Variants in SLX4IP observed in about 807,000 individuals in gnomAD.
SLX4IP encodes SLX4 interacting protein.
In SLX4IP, 34 loss-of-function variants were observed where a neutral mutation model predicts 32.9. The observed-to-expected ratio is 1.03, with a 90% CI of 0.79 to 1.38. The LOEUF (loss-of-function observed/expected upper bound fraction) is 1.38, where lower values mean the gene tolerates loss of function less well. Ranked by LOEUF, SLX4IP falls within the 40% of genes most tolerant of loss-of-function variation. The pLI is 0.00. For missense variants in SLX4IP, 444 were observed against 479.0 expected (o/e 0.93, Z 0.68); for synonymous variants, 172 against 171.7 (o/e 1.00, Z -0.01).
At chr20:10,578,646 A>G (rs1204122183) in intron 4 of SLX4IP, among the ~76,000 whole-genome samples, 1 of 152,184 alleles carries the variant, frequency 6.6e-6, no homozygotes, top group African/African-American at 2.4e-5. Flanking sequence ...TAACATATTG[A>G]CGAACTTCCA....
intron 4 of SLX4IP, among the ~76,000 whole-genome samples, chr20:10,566,880 A>C (rs866067815): frequency 6.6e-6 from 1 of 152,224 alleles, no homozygotes; most frequent in Admixed American, 6.5e-5. Flanking sequence ...CATGGCAGAC[A>C]TACAGGGCAC....
intron 4 of SLX4IP, among the ~76,000 whole-genome samples, chr20:10,593,437 T>A (rs1264468802): frequency 6.6e-6 from 1 of 151,468 alleles, no homozygotes; most frequent in African/African-American, 2.4e-5. Context: ...GCAACTGAGG[T>A]TAAAAAAAAA....
At chr20:10,506,984 G>T (rs996934158) in intron 2 of SLX4IP, among the ~76,000 whole-genome samples, 1 of 152,182 alleles carries the variant, frequency 6.6e-6, no homozygotes, top group African/African-American at 2.4e-5. Context: ...CTGCAATCTG[G>T]CTAATTAACA....
chr20:10,518,094 A>G (rs190349244), intron 2 of SLX4IP, among the ~76,000 whole-genome samples: 1 of 152,258 alleles, frequency 6.6e-6, no homozygotes, highest in Non-Finnish European at 1.5e-5. Flanking sequence ...GGGTTGATCT[A>G]TGCAGCAAAC....
At position 10,540,144 on chromosome 20, in the gene SLX4IP, T is replaced by C. The variant is rs13038179; in HGVS notation, c.28-16087T>C. ...CCTTCCTTCCTTCCTTCCTTCCTTC[T>C]TTCCTTCCTTCCTTCTCTCCTTCCT... On this transcript the variant is annotated intron_variant, in intron 2 of 7. Transcript: ENST00000334534. Among the ~76,000 whole-genome samples the C allele has an allele frequency of 6.3e-3, 504 of 80,218 alleles. 2 individuals are homozygous for C. Among genetic ancestry groups the C allele is most frequent in the Middle Eastern group, 0.033 (5 of 152 alleles). The allele number at this position is 80,218 out of a possible 152,430, so 52.6% of individuals were successfully genotyped here. A position where few individuals can be genotyped will look rare whatever the true frequency, so the allele number is the denominator to read the frequency against.
intron 2 of SLX4IP, among the ~76,000 whole-genome samples, chr20:10,479,117 GA>G (rs1404256759): frequency 2.0e-5 from 3 of 152,192 alleles, no homozygotes; most frequent in African/African-American, 7.2e-5. Flanking sequence ...AAGTGGTTAG[GA>G]CGGTGGACTC....
chr20:10,559,459 G>A (rs1487804979), intron 3 of SLX4IP, among the ~76,000 whole-genome samples: 2 of 152,190 alleles, frequency 1.3e-5, no homozygotes, highest in African/African-American at 4.8e-5. Flanking sequence ...GACATTGCAA[G>A]AAACCAGCAA....
intron 2 of SLX4IP, among the ~76,000 whole-genome samples, chr20:10,489,906 A>T (rs2122394761): frequency 6.6e-6 from 1 of 152,358 alleles, no homozygotes; most frequent in Non-Finnish European, 1.5e-5. Context: ...GTGTTTTAAC[A>T]CATGCAAATG....
chr20:10,532,748 A>G (rs1307193784), intron 2 of SLX4IP, among the ~76,000 whole-genome samples: 2 of 147,692 alleles, frequency 1.4e-5, no homozygotes, highest in African/African-American at 4.9e-5. Flanking sequence ...AAAGCTGAAG[A>G]AAAAAATGGA....
chr20:10,463,381 C>T (rs769152964), intron 2 of SLX4IP, among the ~76,000 whole-genome samples: 5 of 152,046 alleles, frequency 3.3e-5, no homozygotes, highest in Non-Finnish European at 2.9e-5. Flanking sequence ...AGAGCTTCAG[C>T]GGAGAGCCTC....
At chr20:10,464,938 A>T (rs1401120451) in intron 2 of SLX4IP, among the ~76,000 whole-genome samples, 3 of 152,112 alleles carry the variant, frequency 2.0e-5, no homozygotes. Flanking sequence ...TACAGGCGGC[A>T]CTGCCACCGC....
chr20:10,540,583 A>G (rs2066095929), intron 2 of SLX4IP, among the ~76,000 whole-genome samples: 1 of 152,158 alleles, frequency 6.6e-6, no homozygotes, highest in South Asian at 2.1e-4. Context: ...CCAAGCTTTC[A>G]ACCTCACTCT....
intron 6 of SLX4IP, among the ~76,000 whole-genome samples, chr20:10,604,277 A>G (rs986873602): frequency 1.3e-5 from 2 of 152,238 alleles, no homozygotes; most frequent in Non-Finnish European, 2.9e-5. Flanking sequence ...TTGTATAACT[A>G]TTGACTTAAC....
Position 10,598,688 on chromosome 20 carries a change from A to G in SLX4IP, c.252A>G (p.Gln84=). The G allele has an allele frequency of 1.2e-6, 2 of 1,614,158 alleles. No individual in the cohort carries two copies. The highest frequency in any genetic ancestry group is 1.7e-6 in the Non-Finnish European group (2 of 1,179,986). Residue 84 remains glutamine, a synonymous_variant, in exon 5 of 8, where the codon CAA becomes CAG. Coordinates refer to ENST00000334534, the MANE Select transcript of SLX4IP (RefSeq NM_001009608.3). ...NPLSLKGYGF[Q]ITAYFLKRGI... ...TTCACTTTCCAGGTTATGGCTTTCA[A>G]ATCACAGCCTATTTCCTCAAGAGAG...
At chr20:10,438,818 TG>T (rs1447550964) in intron 1 of SLX4IP, among the ~76,000 whole-genome samples, 1 of 151,992 alleles carries the variant, frequency 6.6e-6, no homozygotes, top group Non-Finnish European at 1.5e-5. Flanking sequence ...ATGTGCTTTT[TG>T]GGGGGTACGG....
intron 4 of SLX4IP, among the ~76,000 whole-genome samples, chr20:10,571,485 C>G (rs1262326963): frequency 6.6e-6 from 1 of 152,166 alleles, no homozygotes; most frequent in East Asian, 1.9e-4. Flanking sequence ...GCTTCTGCTC[C>G]CCTGTGTGTG....
At chr20:10,589,976 A>C (rs1404732945) in intron 4 of SLX4IP, among the ~76,000 whole-genome samples, 2 of 151,986 alleles carry the variant, frequency 1.3e-5, no homozygotes. Context: ...CTATTCTTTT[A>C]GATTAAATTT....
intron 2 of SLX4IP, among the ~76,000 whole-genome samples, chr20:10,485,119 A>G (rs1568703375): frequency 1.3e-5 from 2 of 152,048 alleles, no homozygotes; most frequent in Non-Finnish European, 1.5e-5. Flanking sequence ...TTTAGGCATT[A>G]GGGAATCAAT....
In SLX4IP at chr20:10,535,257, A is replaced by G. The variant is rs578186497; in HGVS notation, c.28-20974A>G. On this transcript the variant is annotated intron_variant, in intron 2 of 7. Coordinates refer to ENST00000334534, the MANE Select transcript of SLX4IP (RefSeq NM_001009608.3). ...GGAAGTGTTGAGGTCTCAGAATTGG[A>G]TAAGTCCTAGTGCCACTGGCTGAGT... is the stretch of plus-strand genomic sequence containing the variant. 5.9e-5 allele frequency among the ~76,000 whole-genome samples: 9 copies of G among 152,292 alleles called. No homozygotes were observed. In the South Asian group the frequency reaches 1.9e-3, roughly 32 times the overall value.
Sources: gnomAD v4.1 joint callset for allele counts (sites outside exome capture counted in the v4.1 genomes callset) on GRCh38, gnomAD v4.1.1 for gene constraint, MANE v1.5 for transcripts, NCBI Gene and HGNC (gene_info 2026-07-23, HGNC 2026-07-21) for gene names.